The following NIPBL variants were observed in gnomAD, a reference collection of about 807,000 sequenced individuals.
NIPBL encodes NIPBL cohesin loading factor.
NIPBL carries 19 observed loss-of-function variants against 321.8 expected under a neutral mutation model. The observed-to-expected ratio is 0.06, with a 90% CI of 0.04 to 0.09. NIPBL has a LOEUF of 0.09. Ranked by LOEUF, NIPBL falls within the 10% of genes least tolerant of loss-of-function variation. The pLI is 1.00. For synonymous variants in NIPBL, 1,106 were observed against 1,114.1 expected, an observed-to-expected ratio of 0.99 and a Z score of 0.14; for missense variants, 2,210 against 3,327.0, an observed-to-expected ratio of 0.66 and a Z score of 8.26.
intron 8 of NIPBL, 76 bp downstream of exon 8, chr5:36,972,117 A>C: frequency 1.1e-6 from 1 of 942,636 alleles, no homozygotes; most frequent in Non-Finnish European, 1.7e-6. Context: ...TTCCTAAAGC[A>C]GATATTAAAA....
intron 1 of NIPBL, among the ~76,000 whole-genome samples, chr5:36,915,734 C>A (rs1489366640): frequency 6.6e-6 from 1 of 151,960 alleles, no homozygotes; most frequent in Admixed American, 6.6e-5. Flanking sequence ...AATCTCTGAC[C>A]TTTGGTTTGA....
At position 36,876,841 on chromosome 5, in the gene NIPBL, C is replaced by T. The variant is rs1262000061; in HGVS notation, c.-417C>T. 9 of 387,290 alleles carry T rather than the reference C, an allele frequency of 2.3e-5. No homozygotes were observed. Among genetic ancestry groups the T allele is most frequent in the African/African-American group, 1.3e-4 (6 of 46,968 alleles). The allele number at this position is 387,290 out of a possible 1,614,324, so 24.0% of individuals were successfully genotyped here. On this transcript the variant is annotated 5_prime_UTR_variant, in exon 1 of 47. Coordinates refer to ENST00000282516, the MANE Select transcript of NIPBL (RefSeq NM_133433.4). ...GGCTCCTTCCCCCCGCCCTCCCCCC[C>T]CTCCCTCCGTCGGTACCGACTCACC...
Position 37,019,322 on chromosome 5 carries a change from G to C in NIPBL, c.4932G>C (p.Gly1644=), listed in dbSNP as rs747179198. 6.2e-7 allele frequency: 1 copy of C among 1,609,830 alleles called. No individual in the cohort carries two copies. The highest frequency in any genetic ancestry group is 8.5e-7 in the Non-Finnish European group (1 of 1,176,508). ...GGTTTATTCTATAGGTTTCAGGAGGGGAAGATGAAATCCAACAATTACAAA... is the reference window on the plus strand; with the variant it reads ...GGTTTATTCTATAGGTTTCAGGAGGCGAAGATGAAATCCAACAATTACAAA... The part of the protein sequence containing the change: ...IERILKQVSG[G]EDEIQQLQKA... Residue 1644 remains glycine (G), a synonymous_variant, in exon 25 of 47, where the codon GGG becomes GGC. Coordinates refer to ENST00000282516, the MANE Select transcript of NIPBL (RefSeq NM_133433.4).
Position 36,907,818 on chromosome 5 carries a change from T to C in NIPBL, c.-80+30640T>C, listed in dbSNP as rs544228839. Among the ~76,000 whole-genome samples the C allele has an allele frequency of 7.9e-5, 12 of 152,288 alleles. No homozygotes were observed. The South Asian group carries it at 2.5e-3, about 32-fold the overall frequency. On this transcript the variant is annotated intron_variant, in intron 1 of 46. Coordinates refer to ENST00000282516, the MANE Select transcript of NIPBL (RefSeq NM_133433.4). ...TAATAACTAAACTAAATAAATACTTTACAATTTAAATGAAAATCATCAAGA... is the reference window on the plus strand; with the variant it reads ...TAATAACTAAACTAAATAAATACTTCACAATTTAAATGAAAATCATCAAGA...
chr5:36,941,127 C>A (rs931822385), intron 1 of NIPBL, among the ~76,000 whole-genome samples: 1 of 152,040 alleles, frequency 6.6e-6, no homozygotes, highest in Non-Finnish European at 1.5e-5. Flanking sequence ...AGAAATTAAT[C>A]ACTTAATAAG....
At chr5:36,907,211 G>A (rs1479668403) in intron 1 of NIPBL, among the ~76,000 whole-genome samples, 2 of 152,174 alleles carry the variant, frequency 1.3e-5, no homozygotes, top group African/African-American at 4.8e-5. Flanking sequence ...CTCTCAGCAA[G>A]GTTCTAGACT....
intron 25 of NIPBL, among the ~76,000 whole-genome samples, chr5:37,019,850 T>TTA (rs1195335691): frequency 6.6e-6 from 1 of 152,264 alleles, no homozygotes; most frequent in African/African-American, 2.4e-5. Flanking sequence ...TGTACAAAAT[T>TTA]TATAAACTAT....
intron 45 of NIPBL, among the ~76,000 whole-genome samples, chr5:37,062,260 A>G (rs1754796641): frequency 6.6e-6 from 1 of 152,250 alleles, no homozygotes; most frequent in African/African-American, 2.4e-5. Flanking sequence ...TACATGGCTT[A>G]TATGTCATAA....
chr5:37,021,611 A>T (rs958442463), intron 27 of NIPBL, among the ~76,000 whole-genome samples: 1 of 149,622 alleles, frequency 6.7e-6, no homozygotes, highest in African/African-American at 2.5e-5. Flanking sequence ...AACCCGGGAG[A>T]TGGAGGTTGC....
chr5:36,879,881 G>A lies in NIPBL; in HGVS notation c.-80+2703G>A, dbSNP rs570758752. On this transcript the variant is annotated intron_variant, in intron 1 of 46. Coordinates refer to ENST00000282516, the MANE Select transcript of NIPBL (RefSeq NM_133433.4). Reference sequence around the variant, plus strand: ...GAACATTAAATAGATAATTTTCAATGTTTGAGAAGTGTATATAGGATGCTT... The same window carrying A: ...GAACATTAAATAGATAATTTTCAATATTTGAGAAGTGTATATAGGATGCTT... Among the ~76,000 whole-genome samples the A allele has an allele frequency of 2.2e-4, 33 of 152,128 alleles. No individual in the cohort carries two copies. The South Asian group carries it at 6.4e-3, about 30-fold the overall frequency.
At chr5:37,038,424 A>G (rs867089473) in intron 33 of NIPBL, among the ~76,000 whole-genome samples, 178 bp from the exon 34 acceptor site, 60 of 149,608 alleles carry the variant, frequency 4.0e-4, no homozygotes, top group African/African-American at 1.4e-3. Flanking sequence ...TATTATTTCT[A>G]TATCAAAGAA....
At chr5:36,978,996 C>T (rs943050544) in intron 9 of NIPBL, among the ~76,000 whole-genome samples, 1 of 151,620 alleles carries the variant, frequency 6.6e-6, no homozygotes, top group African/African-American at 2.4e-5. Context: ...TCTAGTCTTG[C>T]AGTGTAGTTT....
At chr5:36,986,446 C>A in intron 10 of NIPBL, 145 bp downstream of exon 10, 1 of 573,722 alleles carries the variant, frequency 1.7e-6, no homozygotes, top group Non-Finnish European at 2.7e-6. Flanking sequence ...AAATTTTTTT[C>A]AGGAGTATAG....
chr5:36,947,562 G>A (rs1561063686), intron 1 of NIPBL, among the ~76,000 whole-genome samples: 4 of 151,950 alleles, frequency 2.6e-5, no homozygotes, highest in Non-Finnish European at 5.9e-5. Flanking sequence ...AATATACCTT[G>A]CATATTATAT....
At chr5:36,955,734 C>T (rs773588058) in intron 3 of NIPBL, 97 bp downstream of exon 3, 129 of 915,864 alleles carry the variant, frequency 1.4e-4, no homozygotes, top group Non-Finnish European at 2.1e-4. Flanking sequence ...TTTTTAGATA[C>T]ATAGTTTATT....
chr5:36,984,237 G>T (rs1425095100), intron 9 of NIPBL, among the ~76,000 whole-genome samples: 1 of 151,878 alleles, frequency 6.6e-6, no homozygotes. Flanking sequence ...TATATTGGCA[G>T]ATTTGGAGCT....
At chr5:36,961,826 T>C (rs1445825455) in intron 5 of NIPBL, among the ~76,000 whole-genome samples, 1 of 152,202 alleles carries the variant, frequency 6.6e-6, no homozygotes, top group Non-Finnish European at 1.5e-5. Flanking sequence ...TTAAAATAAC[T>C]AATGTGTTTG....
intron 34 of NIPBL, among the ~76,000 whole-genome samples, chr5:37,042,286 T>C (rs1190664148): frequency 2.7e-5 from 4 of 150,308 alleles, no homozygotes; most frequent in Non-Finnish European, 3.0e-5. Context: ...AATACAAAAA[T>C]TAGCCAAGCA....
Position 36,884,873 on chromosome 5 carries a change from T to C in NIPBL, c.-80+7695T>C, listed in dbSNP as rs756414028. On this transcript the variant is annotated intron_variant, in intron 1 of 46. Transcript: ENST00000282516. Reference sequence around the variant, plus strand: ...TTTTATTTACATATATCCCTAACAATACATACATAACTTTATAAAGATAAA... The same window carrying C: ...TTTTATTTACATATATCCCTAACAACACATACATAACTTTATAAAGATAAA... 5.3e-5 allele frequency among the ~76,000 whole-genome samples: 8 copies of C among 152,286 alleles called. No individual in the cohort carries two copies. In the South Asian group the frequency reaches 1.7e-3, roughly 32 times the overall value.
Sources: allele counts gnomAD v4.1 joint callset (sites outside exome capture counted in the v4.1 genomes callset), GRCh38; gene constraint gnomAD v4.1.1; transcripts MANE v1.5; gene names NCBI Gene and HGNC (gene_info 2026-07-23, HGNC 2026-07-21).